FUBP3: variants seen among roughly 807,000 people sequenced by gnomAD.
The protein encoded by FUBP3 is far upstream element-binding protein 3.
Under a neutral mutation model 85.6 loss-of-function variants are expected in FUBP3, and 28 were observed. The ratio of observed to expected loss-of-function variants is 0.33; its 90% CI spans 0.24 to 0.45. FUBP3 has a LOEUF of 0.45. Ranked by LOEUF, FUBP3 falls within the 20% of genes least tolerant of loss-of-function variation. FUBP3 has a pLI of 1.00. For missense variants in FUBP3, 583 were observed against 755.1 expected (o/e 0.77, Z 2.67); for synonymous variants, 271 against 271.4 (o/e 1.00, Z 0.01).
intron 1 of FUBP3, among the ~76,000 whole-genome samples, chr9:130,592,149 T>C (rs58156011): frequency 0.12 from 18,570 of 152,160 alleles, 1,385 homozygotes; most frequent in East Asian, 0.24. Flanking sequence ...GGAGAATTGC[T>C]TGAACCCAGG....
chr9:130,590,685 A>G (rs1031422792), intron 1 of FUBP3, among the ~76,000 whole-genome samples: 8 of 152,252 alleles, frequency 5.3e-5, no homozygotes, highest in South Asian at 2.1e-4. Context: ...AAAATGATCA[A>G]TTATGTGAAG....
At chr9:130,623,915 T>C (rs965460792) in intron 11 of FUBP3, among the ~76,000 whole-genome samples, 3 of 152,222 alleles carry the variant, frequency 2.0e-5, no homozygotes, top group African/African-American at 7.2e-5. Flanking sequence ...TTTATTTACC[T>C]CACCATCTAG....
At chr9:130,625,438 C>T (rs760842444) in intron 11 of FUBP3, among the ~76,000 whole-genome samples, 11 of 152,188 alleles carry the variant, frequency 7.2e-5, no homozygotes, top group Non-Finnish European at 1.5e-4. Context: ...TCTGGGTAAA[C>T]GTTCACTTTA....
At chr9:130,629,520 C>T (rs977618743) in intron 12 of FUBP3, among the ~76,000 whole-genome samples, 2 of 152,172 alleles carry the variant, frequency 1.3e-5, no homozygotes, top group African/African-American at 4.8e-5. Context: ...GCAAGACGCC[C>T]TTGTGTCTGC....
Position 130,626,493 on chromosome 9 carries a change from G to A in FUBP3, c.1105G>A (p.Val369Ile), listed in dbSNP as rs144677041. 2.5e-5 allele frequency: 41 copies of A among 1,614,092 alleles called. No individual in the cohort carries two copies. Among genetic ancestry groups the A allele is most frequent in the South Asian group, 6.6e-5 (6 of 91,076 alleles). Reference protein sequence around the residue: ...YTVPADKCGLVIGKGGENIKS... With the variant: ...YTVPADKCGLIIGKGGENIKS... ...GGTGCCAGCCGATAAGTGTGGCCTC[G>A]TCATAGGCAAAGGTAAGAGGCAGCT... The change falls in exon 12 of 19, where the codon GTC becomes ATC. Residue 369 changes from valine (V) to isoleucine (I), a missense_variant. Val to Ile is a conservative substitution (Grantham distance 29, BLOSUM62 3). Around this residue, in one of 3 missense-constraint regions of FUBP3, gnomAD observed 404 missense variants for 516.8 expected, o/e 0.78. Transcript: ENST00000319725.
intron 1 of FUBP3, among the ~76,000 whole-genome samples, chr9:130,584,671 C>G (rs1830269385): frequency 6.8e-6 from 1 of 147,002 alleles, no homozygotes; most frequent in South Asian, 2.1e-4. Context: ...GAGTTTGAGA[C>G]CAGCCTGGCC....
In FUBP3 at chr9:130,620,414, G is replaced by A. The variant is rs956372283; in HGVS notation, c.727G>A (p.Val243Ile). 3.1e-6 allele frequency: 5 copies of A among 1,605,032 alleles called. No homozygotes were observed. The highest frequency in any genetic ancestry group is 1.7e-4 in the Middle Eastern group (1 of 6,052). ...AAAAGACCAAGCTGACTTTCGGGGT[G>A]TACGCGGCGATTTCAACTCTCGAAT... The part of the protein sequence containing the change: ...REKDQADFRG[V>I]RGDFNSRMGG... The change falls in exon 9 of 19, where the codon GTA (valine) becomes ATA (isoleucine). Residue 243 changes from valine (V) to isoleucine (I), a missense_variant. Val to Ile is a conservative substitution (Grantham distance 29, BLOSUM62 3). This residue lies in a region of FUBP3 where 404 missense variants were observed against 516.8 expected (regional missense o/e 0.78). Transcript: ENST00000319725.
chr9:130,626,617 G>C, intron 12 of FUBP3, 112 bp downstream of exon 12: 1 of 1,124,546 alleles, frequency 8.9e-7, no homozygotes, highest in Admixed American at 2.2e-5. Context: ...GCAGGCTGGG[G>C]CTGCCCGGTC....
rs756432336 is a variant in FUBP3 at position 130,632,020 on chromosome 9, G to T, written c.1431G>T (p.Val477=). Residue 477 remains valine (V), a splice_region_variant and synonymous_variant, in exon 15 of 19, where the codon GTG becomes GTT. Coordinates refer to ENST00000319725, the MANE Select transcript of FUBP3 (RefSeq NM_003934.2). ...ATGGGAACCCCCACAGCACCCCTGT[G>T]AGGTAGGTGACCTGCTGTGACTCAG... ...KVNGNPHSTP[V]SGPPAFLTQG... 7 of 1,609,076 alleles carry T rather than the reference G, an allele frequency of 4.4e-6. No individual in the cohort carries two copies. Among genetic ancestry groups the T allele is most frequent in the Non-Finnish European group, 6.0e-6 (7 of 1,175,344 alleles).
chr9:130,591,817 A>T (rs1158571085), intron 1 of FUBP3, among the ~76,000 whole-genome samples: 1 of 152,214 alleles, frequency 6.6e-6, no homozygotes, highest in Non-Finnish European at 1.5e-5. Context: ...CTAAATTAGG[A>T]ATAGGAAGCT....
At chr9:130,592,843 G>C (rs1830693370) in intron 1 of FUBP3, among the ~76,000 whole-genome samples, 1 of 152,048 alleles carries the variant, frequency 6.6e-6, no homozygotes, top group South Asian at 2.1e-4. Flanking sequence ...CATGCTTTTG[G>C]CTGGGGTGTT....
At chr9:130,587,133 C>G (rs1464693173) in intron 1 of FUBP3, among the ~76,000 whole-genome samples, 5 of 149,676 alleles carry the variant, frequency 3.3e-5, no homozygotes, top group African/African-American at 1.2e-4. Context: ...GGCATGATCT[C>G]GGCTCACTGC....
At chr9:130,626,060 A>G (rs1829958935) in intron 11 of FUBP3, among the ~76,000 whole-genome samples, 1 of 152,086 alleles carries the variant, frequency 6.6e-6, no homozygotes, top group East Asian at 1.9e-4. Context: ...CAGTGAGGAA[A>G]GCTCCAGGGA....
At chr9:130,620,762 C>G (rs1158156993) in intron 9 of FUBP3, among the ~76,000 whole-genome samples, 1 of 152,206 alleles carries the variant, frequency 6.6e-6, no homozygotes, top group Non-Finnish European at 1.5e-5. Context: ...TATCATGATT[C>G]TGTCAAACTC....
rs1010221811 is a variant in FUBP3, at chr9:130,636,922, G to A, written c.1711-92G>A. On this transcript the variant is annotated intron_variant, in intron 18 of 18. Coordinates refer to ENST00000319725, the MANE Select transcript of FUBP3 (RefSeq NM_003934.2). ...TTCAGCAGAGGTTTTGTCTGGCCCA[G>A]CTCCCGTGACGCGAGACCTGGGGGA... 7.0e-5 allele frequency: 75 copies of A among 1,068,646 alleles called. No homozygotes were observed. The Admixed American group carries it at 1.3e-3, about 18-fold the overall frequency. The allele number at this position is 1,068,646 out of a possible 1,614,324, so 66.2% of individuals were successfully genotyped here. A position where few individuals can be genotyped will look rare whatever the true frequency, so the allele number is the denominator to read the frequency against.
chr9:130,593,427 T>C (rs1312981885), intron 1 of FUBP3, among the ~76,000 whole-genome samples: 1 of 152,202 alleles, frequency 6.6e-6, no homozygotes, highest in Non-Finnish European at 1.5e-5. Context: ...AACCCTAGTA[T>C]TTGTGGTGTG....
intron 1 of FUBP3, among the ~76,000 whole-genome samples, chr9:130,588,367 G>A (rs938573072): frequency 2.6e-5 from 4 of 152,156 alleles, no homozygotes; most frequent in African/African-American, 9.7e-5. Context: ...CCTGGTTGGT[G>A]GGGTGGGTAG....
chr9:130,589,680 T>C (rs1257252549), intron 1 of FUBP3, among the ~76,000 whole-genome samples: 1 of 23,998 alleles, frequency 4.2e-5, no homozygotes, highest in Non-Finnish European at 6.9e-5. Context: ...TGTGTGTATA[T>C]ATATATATAT....
intron 12 of FUBP3, 113 bp downstream of exon 12, chr9:130,626,618 C>A: frequency 9.1e-7 from 1 of 1,095,276 alleles, no homozygotes; most frequent in Non-Finnish European, 1.3e-6. Context: ...CAGGCTGGGG[C>A]TGCCCGGTCT....
Sources: gnomAD v4.1 joint callset for allele counts (sites outside exome capture counted in the v4.1 genomes callset) on GRCh38, gnomAD v4.1.1 for gene constraint, gnomAD v4.1.1 regional missense constraint, MANE v1.5 for transcripts, NCBI Gene and HGNC (gene_info 2026-07-23, HGNC 2026-07-21) for gene names.